The following IGF2BP2 variants were observed in gnomAD, a reference collection of about 807,000 sequenced individuals.
IGF2BP2 encodes the protein insulin like growth factor 2 mRNA binding protein 2, also known as insulin-like growth factor 2 mRNA-binding protein 2.
A neutral mutation model predicts 75.8 loss-of-function variants in IGF2BP2; 17 were observed. The ratio of observed to expected loss-of-function variants is 0.22; its 90% CI spans 0.15 to 0.34. The LOEUF (loss-of-function observed/expected upper bound fraction) is 0.34, where lower values mean the gene tolerates loss of function less well. IGF2BP2 is among the 10% of genes least tolerant of loss of function. The pLI, the probability that IGF2BP2 is intolerant of heterozygous loss-of-function variation, is 1.00. For missense variants in IGF2BP2, 516 were observed against 772.4 expected, an observed-to-expected ratio of 0.67 and a Z score of 3.93; for synonymous variants, 288 against 295.6, an observed-to-expected ratio of 0.97 and a Z score of 0.26.
chr3:185,683,529 C>T (rs1008674300), intron 7 of IGF2BP2, among the ~76,000 whole-genome samples: 1 of 152,102 alleles, frequency 6.6e-6, no homozygotes, highest in Admixed American at 6.6e-5. Flanking sequence ...ATGCCTCAGC[C>T]TCCCAAGTAG....
In IGF2BP2 at chr3:185,656,764, G is replaced by C. The variant is rs116710935; in HGVS notation, c.1386+522C>G. ...AGCTGCAGCCACGTCTGCATTCGCA[G>C]CCTTTCCATAAGTCAAGGACCGTCC... On this transcript the variant is annotated intron_variant, in intron 12 of 15. Transcript: ENST00000382199. Among the ~76,000 whole-genome samples, 44 of 152,368 alleles carry C rather than the reference G, an allele frequency of 2.9e-4. 1 individual carries two copies. The highest frequency in any genetic ancestry group is 1.0e-3 in the African/African-American group (43 of 41,596).
At chr3:185,809,942 A>G (rs765859976) in intron 2 of IGF2BP2, among the ~76,000 whole-genome samples, 22 of 152,206 alleles carry the variant, frequency 1.4e-4, no homozygotes, top group Non-Finnish European at 2.8e-4. Context: ...TTTAAATTCA[A>G]AAGACCAGTC....
intron 7 of IGF2BP2, among the ~76,000 whole-genome samples, chr3:185,676,584 G>A (rs988457649): frequency 1.3e-5 from 2 of 151,656 alleles, no homozygotes; most frequent in Non-Finnish European, 2.9e-5. Flanking sequence ...GCTGAGGTGG[G>A]ACTGCTTGAG....
chr3:185,670,861 T>C (rs1177813168), intron 10 of IGF2BP2, among the ~76,000 whole-genome samples: 1 of 152,216 alleles, frequency 6.6e-6, no homozygotes, highest in Non-Finnish European at 1.5e-5. Flanking sequence ...TGAGCCATCA[T>C]GCCCGGCCTA....
At chr3:185,648,881 C>A (rs1199863938) in intron 14 of IGF2BP2, among the ~76,000 whole-genome samples, 3 of 152,112 alleles carry the variant, frequency 2.0e-5, no homozygotes, top group African/African-American at 7.2e-5. Context: ...GAAGATAGAG[C>A]CTGTGGAGGG....
intron 2 of IGF2BP2, among the ~76,000 whole-genome samples, chr3:185,788,781 C>T (rs1272045632): frequency 7.1e-6 from 1 of 140,808 alleles, no homozygotes; most frequent in African/African-American, 2.6e-5. Context: ...GTGGCGCGAT[C>T]TCAGCTCGCT....
At chr3:185,784,986 C>A (rs898024081) in intron 2 of IGF2BP2, among the ~76,000 whole-genome samples, 1 of 151,998 alleles carries the variant, frequency 6.6e-6, no homozygotes, top group Non-Finnish European at 1.5e-5. Flanking sequence ...TAATGAAATG[C>A]CTGTGTTTTC....
chr3:185,698,477 T>TTCCTACTGTGA, intron 2 of IGF2BP2, 130 bp from the exon 3 acceptor site: 1 of 776,640 alleles, frequency 1.3e-6, no homozygotes, highest in Non-Finnish European at 2.1e-6. Context: ...CAACAAAAAA[T>TTCCTACTGTGA]TCCTACTGTG....
intron 10 of IGF2BP2, among the ~76,000 whole-genome samples, chr3:185,665,694 C>T (rs748533887): frequency 6.6e-5 from 10 of 152,274 alleles, no homozygotes; most frequent in East Asian, 3.9e-4. Flanking sequence ...GGGCTGGGCA[C>T]GGCGGCTCAC....
chr3:185,675,962 G>A (rs762238990), intron 7 of IGF2BP2, 49 bp from the exon 8 acceptor site: 5 of 1,589,018 alleles, frequency 3.1e-6, no homozygotes, highest in Non-Finnish European at 8.5e-7. Flanking sequence ...TATAACGGTT[G>A]TCTCCCAAAA....
rs1713875831 is a variant in IGF2BP2 at position 185,647,947 on chromosome 3, C to A, written c.1594-809G>T. Among the ~76,000 whole-genome samples, 1 of 152,202 alleles carries A rather than the reference C, an allele frequency of 6.6e-6. No individual in the cohort carries two copies. Among genetic ancestry groups the A allele is most frequent in the Non-Finnish European group, 1.5e-5 (1 of 68,034 alleles). ...GTTCTGAAATAGCTAAACAGGACAC[C>A]CAGGGGCTCAGGATTCTACTCCCTG... On this transcript the variant is annotated intron_variant, in intron 14 of 15. Transcript: ENST00000382199. The surrounding 1 kb of genome is among the most constrained non-coding windows in gnomAD (Gnocchi z 4.9).
rs768692416 is a variant in IGF2BP2, at chr3:185,645,634, G to A, written c.1708-11C>T. ...CTTGCGCTGTGCAGTCTGCAGCAAG[G>A]GAGAGAAGGGAGAGGAAGGGACAGG... is the stretch of plus-strand genomic sequence containing the variant. On this transcript the variant is annotated splice_polypyrimidine_tract_variant and intron_variant, in intron 15 of 15. Coordinates refer to ENST00000382199, the MANE Select transcript of IGF2BP2 (RefSeq NM_006548.6). The surrounding 1 kb of genome is among the most constrained non-coding windows in gnomAD (Gnocchi z 4.9). 4 of 1,606,722 alleles carry A rather than the reference G, an allele frequency of 2.5e-6. No homozygotes were observed. The highest frequency in any genetic ancestry group is 1.7e-5 in the Admixed American group (1 of 60,012).
intron 2 of IGF2BP2, among the ~76,000 whole-genome samples, chr3:185,725,713 C>T (rs555714193): frequency 2.6e-4 from 39 of 152,218 alleles, no homozygotes; most frequent in African/African-American, 7.2e-4. Flanking sequence ...GACTCACATC[C>T]GTAATCCCAA....
intron 2 of IGF2BP2, among the ~76,000 whole-genome samples, chr3:185,751,593 C>T (rs1043624489): frequency 6.6e-6 from 1 of 151,098 alleles, no homozygotes; most frequent in Non-Finnish European, 1.5e-5. Flanking sequence ...TGTGGTAAGC[C>T]AAGATCACGC....
chr3:185,675,573 C>A, intron 8 of IGF2BP2, 142 bp from the exon 9 acceptor site: 1 of 1,114,438 alleles, frequency 9.0e-7, no homozygotes, highest in Non-Finnish European at 1.3e-6. Context: ...AGAATCCCTG[C>A]CATCTTATTT....
chr3:185,661,454 T>C (rs1716418542), intron 10 of IGF2BP2, among the ~76,000 whole-genome samples: 1 of 151,914 alleles, frequency 6.6e-6, no homozygotes, highest in Non-Finnish European at 1.5e-5. Context: ...CTGTCCAACA[T>C]GGCGAAACCC....
At chr3:185,807,309 C>G (rs1179436363) in intron 2 of IGF2BP2, among the ~76,000 whole-genome samples, 1 of 152,032 alleles carries the variant, frequency 6.6e-6, no homozygotes, top group Non-Finnish European at 1.5e-5. Flanking sequence ...AAATGTGACC[C>G]CACCTAAAGC....
chr3:185,802,382 A>T (rs1326346400), intron 2 of IGF2BP2, among the ~76,000 whole-genome samples: 3 of 152,202 alleles, frequency 2.0e-5, no homozygotes, highest in African/African-American at 7.2e-5. Context: ...GAAAAGAAGC[A>T]GTTTGCCCAA....
At chr3:185,727,072 G>A (rs1727436163) in intron 2 of IGF2BP2, among the ~76,000 whole-genome samples, 1 of 152,024 alleles carries the variant, frequency 6.6e-6, no homozygotes, top group African/African-American at 2.4e-5. Context: ...TACAAAACTA[G>A]CTGGGTGTGG....
Sources: allele counts gnomAD v4.1 joint callset (sites outside exome capture counted in the v4.1 genomes callset), GRCh38; gene constraint gnomAD v4.1.1; non-coding constraint Gnocchi (gnomAD v3.1); transcripts MANE v1.5; gene names NCBI Gene and HGNC (gene_info 2026-07-23, HGNC 2026-07-21).